RPH3AL: variants seen among roughly 807,000 people sequenced by gnomAD.
The protein encoded by RPH3AL is rabphilin 3A like (without C2 domains).
Under a neutral mutation model 43.1 loss-of-function variants are expected in RPH3AL, and 38 were observed. The observed-to-expected ratio is 0.88, with a 90% confidence interval of 0.68 to 1.15. The LOEUF (loss-of-function observed/expected upper bound fraction) is 1.15, where lower values mean the gene tolerates loss of function less well. Ranked by LOEUF, RPH3AL falls within the 50% of genes most tolerant of loss-of-function variation. The probability of loss-of-function intolerance (pLI) is 0.00; values close to 1 mark genes in which losing one functional copy is unlikely to be tolerated. For synonymous variants in RPH3AL, 189 were observed against 176.3 expected (o/e 1.07, Z -0.57); for missense variants, 462 against 423.2 (o/e 1.09, Z -0.81).
chr17:327,956 C>A (rs559268348), intron 2 of RPH3AL, among the ~76,000 whole-genome samples: 8 of 152,148 alleles, frequency 5.3e-5, no homozygotes, highest in African/African-American at 1.4e-4. Context: ...GAACTGAGCA[C>A]GTCACCCAGC....
Position 246,961 on chromosome 17 carries a change from T to C in RPH3AL, c.613+150A>G. On this transcript the variant is annotated intron_variant, in intron 7 of 9. Coordinates refer to ENST00000331302, the MANE Select transcript of RPH3AL (RefSeq NM_006987.4). The surrounding 1 kb of genome is among the most constrained non-coding windows in gnomAD (Gnocchi z 4.8). ...CCCGCTGCTCACTCGGGAGAAGGTG[T>C]GGAGCTGAGGGCACAGGGAGGGACG... 1 of 841,002 alleles carries C rather than the reference T, an allele frequency of 1.2e-6. No individual in the cohort carries two copies. Among genetic ancestry groups the C allele is most frequent in the Admixed American group, 2.0e-5 (1 of 51,248 alleles). 52.1% of individuals were successfully genotyped at this position (841,002 alleles called of 1,614,324 possible).
intron 6 of RPH3AL, among the ~76,000 whole-genome samples, chr17:266,488 T>A (rs1488778685): frequency 6.6e-6 from 1 of 152,182 alleles, no homozygotes; most frequent in Non-Finnish European, 1.5e-5. Flanking sequence ...CCCGCCCTCA[T>A]CAGAAGATGC....
At chr17:336,637 C>T (rs1170025872) in intron 1 of RPH3AL, among the ~76,000 whole-genome samples, 1 of 152,208 alleles carries the variant, frequency 6.6e-6, no homozygotes, top group Admixed American at 6.5e-5. Flanking sequence ...TCCTTACAGC[C>T]CAGGTCAGGC....
intron 5 of RPH3AL, among the ~76,000 whole-genome samples, chr17:295,267 G>C (rs1285193305): frequency 6.8e-6 from 1 of 146,204 alleles, no homozygotes; most frequent in Admixed American, 6.9e-5. Context: ...ATGCACATCA[G>C]TGTGGGAGGG....
At chr17:316,745 T>C (rs2044230820) in intron 5 of RPH3AL, among the ~76,000 whole-genome samples, 4 of 146,844 alleles carry the variant, frequency 2.7e-5, no homozygotes, top group Non-Finnish European at 6.0e-5. Flanking sequence ...CTGTAGTCCA[T>C]GTGCCCCACC....
At chr17:271,245 A>G (rs1396743040) in intron 6 of RPH3AL, among the ~76,000 whole-genome samples, 2 of 152,182 alleles carry the variant, frequency 1.3e-5, no homozygotes, top group Admixed American at 1.3e-4. Flanking sequence ...CTTAGAATTG[A>G]CTTGGCAATG....
chr17:267,273 T>A (rs1474579863), intron 6 of RPH3AL, among the ~76,000 whole-genome samples: 1 of 152,194 alleles, frequency 6.6e-6, no homozygotes, highest in East Asian at 1.9e-4. Flanking sequence ...CGGCATGAAA[T>A]CCTTTGGAGC....
At chr17:305,296 G>C (rs185563122) in intron 5 of RPH3AL, among the ~76,000 whole-genome samples, 5 of 151,918 alleles carry the variant, frequency 3.3e-5, no homozygotes, top group Non-Finnish European at 7.4e-5. Context: ...CTGAGGCAAC[G>C]TCGAGATGGC....
intron 2 of RPH3AL, chr17:331,606 C>T (rs1416873117): frequency 7.8e-7 from 1 of 1,286,506 alleles, no homozygotes; most frequent in Non-Finnish European, 1.0e-6. Context: ...TAGGAAACTG[C>T]CCACGGAGCC....
chr17:261,636 C>G (rs1386088290), intron 6 of RPH3AL: 1 of 152,198 alleles, frequency 6.6e-6, no homozygotes, highest in Admixed American at 6.5e-5. Context: ...TAACAGTGGC[C>G]GCCCAAAGAC....
intron 7 of RPH3AL, among the ~76,000 whole-genome samples, chr17:241,570 C>CAT (rs1229588609): frequency 1.3e-5 from 2 of 151,972 alleles, no homozygotes; most frequent in Admixed American, 6.6e-5. Context: ...AAAAAAGCAC[C>CAT]ATGCAGAGTG....
intron 5 of RPH3AL, among the ~76,000 whole-genome samples, chr17:315,037 C>T (rs866038299): frequency 2.9e-4 from 36 of 125,016 alleles, no homozygotes; most frequent in Middle Eastern, 4.6e-3. Context: ...ACCTGTAGTC[C>T]CTGTACTCCA....
chr17:262,426 G>C (rs954984763), intron 6 of RPH3AL, among the ~76,000 whole-genome samples: 1 of 152,130 alleles, frequency 6.6e-6, no homozygotes. Flanking sequence ...ATGTTCGCCG[G>C]GCTGGTCTTG....
At chr17:271,768 C>T (rs930652931) in intron 6 of RPH3AL, among the ~76,000 whole-genome samples, 2 of 152,190 alleles carry the variant, frequency 1.3e-5, no homozygotes, top group Non-Finnish European at 2.9e-5. Flanking sequence ...ATTTCTTTCT[C>T]CTGCCTGATT....
rs547005827 is a variant in RPH3AL, at chr17:228,489, T to C, written c.614-8753A>G. ...TGCTTGATAGGCAAGAGCTGTTACA[T>C]TTCAGAGGCAGCTGGAACTCACGGG... On this transcript the variant is annotated intron_variant, in intron 7 of 9. Coordinates refer to ENST00000331302, the MANE Select transcript of RPH3AL (RefSeq NM_006987.4). Among the ~76,000 whole-genome samples the C allele has an allele frequency of 8.6e-4, 131 of 152,218 alleles. No individual in the cohort carries two copies. In the South Asian group the frequency reaches 0.011, roughly 13 times the overall value.
chr17:270,652 C>T (rs1004803350), intron 6 of RPH3AL, among the ~76,000 whole-genome samples: 4 of 151,888 alleles, frequency 2.6e-5, no homozygotes, highest in Non-Finnish European at 5.9e-5. Flanking sequence ...GAGTTTGAGG[C>T]CAGCCTTGGC....
chr17:218,246 C>T (rs796115107), intron 8 of RPH3AL, among the ~76,000 whole-genome samples: 58 of 86,720 alleles, frequency 6.7e-4, no homozygotes, highest in African/African-American at 2.0e-3. Flanking sequence ...TCGTTCCCAT[C>T]TGGGGCAGTT....
At chr17:279,755 T>C (rs556371826) in intron 6 of RPH3AL, among the ~76,000 whole-genome samples, 31 of 152,330 alleles carry the variant, frequency 2.0e-4, no homozygotes, top group African/African-American at 7.5e-4. Flanking sequence ...GAATTTCCTC[T>C]TCCATGGACA....
chr17:265,359 G>A (rs548049123), intron 6 of RPH3AL, among the ~76,000 whole-genome samples: 17 of 152,310 alleles, frequency 1.1e-4, no homozygotes, highest in South Asian at 8.3e-4. Flanking sequence ...GCCTCTCAAA[G>A]TGCTGGGATT....
Sources: gnomAD v4.1 joint callset for allele counts (sites outside exome capture counted in the v4.1 genomes callset) on GRCh38, gnomAD v4.1.1 for gene constraint, Gnocchi (gnomAD v3.1) non-coding constraint, MANE v1.5 for transcripts, NCBI Gene and HGNC (gene_info 2026-07-23, HGNC 2026-07-21) for gene names.